Variants in WDPCP observed in about 807,000 individuals in gnomAD.
WDPCP encodes WD repeat-containing and planar cell polarity effector protein fritz homolog.
WDPCP carries 71 observed loss-of-function variants against 93.1 expected under a neutral mutation model. That is an observed-to-expected ratio of 0.76 (90% CI 0.63 to 0.93). The LOEUF is 0.93. Among genes scored for constraint, WDPCP ranks in the 40% least tolerant of loss-of-function variants. WDPCP has a pLI of 0.00. For synonymous variants in WDPCP, 315 were observed against 315.0 expected (o/e 1.00, Z 0.00); for missense variants, 844 against 887.4 (o/e 0.95, Z 0.62).
intron 9 of WDPCP, among the ~76,000 whole-genome samples, chr2:63,417,913 T>C (rs988786273): frequency 1.3e-5 from 2 of 151,768 alleles, no homozygotes; most frequent in African/African-American, 4.8e-5. Flanking sequence ...AATATGGCAA[T>C]CAATAGAAGA....
intron 13 of WDPCP, among the ~76,000 whole-genome samples, chr2:63,294,160 T>C (rs1482958655): frequency 2.0e-5 from 3 of 152,166 alleles, no homozygotes; most frequent in Admixed American, 1.3e-4. Context: ...ATACTACCAG[T>C]AGATTTCCCA....
intron 10 of WDPCP, among the ~76,000 whole-genome samples, chr2:63,392,463 G>C (rs1380401968): frequency 6.6e-6 from 1 of 152,106 alleles, no homozygotes; most frequent in Non-Finnish European, 1.5e-5. Flanking sequence ...TACCATTCAG[G>C]ACATAGGCAT....
intron 2 of WDPCP, among the ~76,000 whole-genome samples, chr2:63,653,520 T>A (rs1455170573): frequency 6.6e-6 from 1 of 152,196 alleles, no homozygotes; most frequent in East Asian, 1.9e-4. Context: ...ATTAAGCTAA[T>A]CTGAAAATAA....
intron 1 of WDPCP, among the ~76,000 whole-genome samples, chr2:63,824,674 T>C (rs1671086315): frequency 1.3e-5 from 2 of 151,710 alleles, no homozygotes; most frequent in African/African-American, 2.4e-5. Context: ...ATATTATAAA[T>C]TATAGGTTAA....
At chr2:63,575,592 CTAT>C (rs1708056134) in intron 1 of WDPCP, among the ~76,000 whole-genome samples, 2 of 143,842 alleles carry the variant, frequency 1.4e-5, no homozygotes, top group African/African-American at 5.0e-5. Flanking sequence ...CTCTTATTTA[CTAT>C]AGTATATATA....
intron 2 of WDPCP, among the ~76,000 whole-genome samples, chr2:63,727,552 A>T (rs914335381): frequency 9.2e-5 from 14 of 152,176 alleles, no homozygotes; most frequent in Non-Finnish European, 1.8e-4. Flanking sequence ...TATCAGCATG[A>T]TGTTGGCCTC....
At chr2:63,159,331 T>A (rs1263075629) in intron 15 of WDPCP, among the ~76,000 whole-genome samples, 1 of 152,066 alleles carries the variant, frequency 6.6e-6, no homozygotes, top group African/African-American at 2.4e-5. Flanking sequence ...GCTCAAGTGA[T>A]CTTCCTGCCT....
chr2:63,297,479 G>A (rs11691718), intron 13 of WDPCP, among the ~76,000 whole-genome samples: 121,908 of 152,158 alleles, frequency 0.8, 49,705 homozygotes, highest in East Asian at 0.96. Context: ...TGGCCCTCTC[G>A]TTCTTATCAT....
chr2:63,260,199 C>T lies in WDPCP; in HGVS notation c.1813-790G>A, dbSNP rs143584462. ...CTCTCTCTGACAATGGCAGATCTTT[C>T]GATATGGAAGGAGTGTTGGATGTGT... On this transcript the variant is annotated intron_variant, in intron 13 of 17. Coordinates refer to ENST00000272321, the MANE Select transcript of WDPCP (RefSeq NM_015910.7). 0.01 allele frequency among the ~76,000 whole-genome samples: 1,558 copies of T among 152,098 alleles called. 18 individuals are homozygous for T. The Middle Eastern group carries it at 0.11, about 10-fold the overall frequency.
chr2:63,670,892 T>C (rs1710338231), intron 2 of WDPCP, among the ~76,000 whole-genome samples: 1 of 151,784 alleles, frequency 6.6e-6, no homozygotes, highest in Non-Finnish European at 1.5e-5. Flanking sequence ...GAAAAAAAAG[T>C]AGGAAAAAAT....
chr2:63,588,212 G>T lies in WDPCP; in HGVS notation c.60C>A (p.Ser20=), dbSNP rs757553495. 43 of 1,572,040 alleles carry T rather than the reference G, an allele frequency of 2.7e-5. No individual in the cohort carries two copies. The Admixed American group carries it at 7.4e-4, about 27-fold the overall frequency. The change falls in exon 1 of 18, where the codon TCC becomes TCA. Residue 20 remains serine (S), a synonymous_variant. Coordinates refer to ENST00000272321, the MANE Select transcript of WDPCP (RefSeq NM_015910.7). ...YSKAAGSRAS[S]PLPRQDRDSF... is the part of the protein sequence containing the mutation. Reference sequence around the variant, plus strand: ...CAGGGCTCACCTGTCTCGGGAGTGGGGAAGAAGCGCGACTCCCGGCCGCTT... The same window carrying T: ...CAGGGCTCACCTGTCTCGGGAGTGGTGAAGAAGCGCGACTCCCGGCCGCTT...
At chr2:63,794,685 G>A (rs1286327808) in intron 2 of WDPCP, among the ~76,000 whole-genome samples, 1 of 152,126 alleles carries the variant, frequency 6.6e-6, no homozygotes, top group Non-Finnish European at 1.5e-5. Flanking sequence ...TTCCAGTTGT[G>A]TGCACCACTA....
At chr2:63,289,810 T>C (rs1684269300) in intron 13 of WDPCP, among the ~76,000 whole-genome samples, 1 of 152,012 alleles carries the variant, frequency 6.6e-6, no homozygotes, top group African/African-American at 2.4e-5. Flanking sequence ...TTTAGGATTG[T>C]CATGTCTGCC....
intron 17 of WDPCP, among the ~76,000 whole-genome samples, chr2:63,125,820 G>C (rs1260712188): frequency 6.6e-6 from 1 of 151,868 alleles, no homozygotes; most frequent in Non-Finnish European, 1.5e-5. Flanking sequence ...CGTGTTGGCC[G>C]GGCTGGTCTT....
chr2:63,438,038 A>T, intron 7 of WDPCP: 1 of 1,259,322 alleles, frequency 7.9e-7, no homozygotes, highest in Non-Finnish European at 1.0e-6. Context: ...AGGGGTATAC[A>T]AGCTGGATGA....
chr2:63,291,861 CG>C (rs1559289031), intron 13 of WDPCP, among the ~76,000 whole-genome samples: 1 of 150,432 alleles, frequency 6.6e-6, no homozygotes, highest in African/African-American at 2.4e-5. Context: ...AGGCCGGGCG[CG>C]GGGGCTCACG....
intron 13 of WDPCP, among the ~76,000 whole-genome samples, chr2:63,300,016 G>A (rs1418284218): frequency 6.6e-6 from 1 of 151,968 alleles, no homozygotes; most frequent in African/African-American, 2.4e-5. Context: ...GGAAAGCCCT[G>A]GGACAACTAG....
chr2:63,609,399 AC>A (rs1709591207), intron 3 of WDPCP, among the ~76,000 whole-genome samples: 1 of 151,954 alleles, frequency 6.6e-6, no homozygotes, highest in Non-Finnish European at 1.5e-5. Flanking sequence ...ATATACACAC[AC>A]TAATAAAGGG....
chr2:63,792,074 A>G (rs1167351983), intron 2 of WDPCP, among the ~76,000 whole-genome samples: 2 of 152,196 alleles, frequency 1.3e-5, no homozygotes, highest in East Asian at 3.9e-4. Context: ...GATGACATGA[A>G]AAAGAATCAG....
Sources: allele counts gnomAD v4.1 joint callset (sites outside exome capture counted in the v4.1 genomes callset), GRCh38; gene constraint gnomAD v4.1.1; transcripts MANE v1.5; gene names NCBI Gene and HGNC (gene_info 2026-07-23, HGNC 2026-07-21).